The following CDIN1 variants were observed in gnomAD, a reference collection of about 807,000 sequenced individuals.
CDIN1 encodes CDAN1 interacting nuclease 1, also known as CDAN1-interacting nuclease 1.
Under a neutral mutation model 45.3 loss-of-function variants are expected in CDIN1, and 33 were observed. The ratio of observed to expected loss-of-function variants is 0.73; its 90% confidence interval spans 0.55 to 0.97. The LOEUF (loss-of-function observed/expected upper bound fraction) is 0.97, where lower values mean the gene tolerates loss of function less well. Ranked by LOEUF, CDIN1 falls within the 50% of genes least tolerant of loss-of-function variation. The probability of loss-of-function intolerance (pLI) is 0.00; values close to 1 mark genes in which losing one functional copy is unlikely to be tolerated. For synonymous variants in CDIN1, 118 were observed against 124.4 expected (o/e 0.95, Z 0.34); for missense variants, 303 against 339.4 (o/e 0.89, Z 0.84).
At chr15:36,723,990 C>T (rs1174253513) in intron 10 of CDIN1, among the ~76,000 whole-genome samples, 1 of 152,178 alleles carries the variant, frequency 6.6e-6, no homozygotes, top group Non-Finnish European at 1.5e-5. Flanking sequence ...CTGGTTTAAG[C>T]ACTTACATGT....
At chr15:36,739,730 T>C (rs1266145066) in intron 10 of CDIN1, among the ~76,000 whole-genome samples, 1 of 152,224 alleles carries the variant, frequency 6.6e-6, no homozygotes, top group East Asian at 1.9e-4. Context: ...CATGAGATGA[T>C]GTCTTGGATC....
chr15:36,721,226 C>G (rs1472919053), intron 10 of CDIN1, among the ~76,000 whole-genome samples: 1 of 152,070 alleles, frequency 6.6e-6, no homozygotes, highest in Non-Finnish European at 1.5e-5. Flanking sequence ...CTGTAGGCTG[C>G]CTGTTCACTC....
At chr15:36,608,433 A>T (rs1393360008) in intron 1 of CDIN1, among the ~76,000 whole-genome samples, 1 of 152,110 alleles carries the variant, frequency 6.6e-6, no homozygotes, top group African/African-American at 2.4e-5. Flanking sequence ...GATGTTGGGA[A>T]TCTTTTTATG....
At chr15:36,731,950 C>G (rs1728232212) in intron 10 of CDIN1, among the ~76,000 whole-genome samples, 1 of 152,114 alleles carries the variant, frequency 6.6e-6, no homozygotes, top group Non-Finnish European at 1.5e-5. Flanking sequence ...GCATAAATAT[C>G]TTAATGCTAT....
chr15:36,675,798 A>T (rs2041627646), intron 5 of CDIN1, among the ~76,000 whole-genome samples: 1 of 152,160 alleles, frequency 6.6e-6, no homozygotes, highest in African/African-American at 2.4e-5. Context: ...ACCAAAATGT[A>T]AGCTTTCTTG....
chr15:36,726,584 A>C (rs2043634980), intron 10 of CDIN1, among the ~76,000 whole-genome samples: 1 of 152,198 alleles, frequency 6.6e-6, no homozygotes, highest in Non-Finnish European at 1.5e-5. Context: ...GAATAGTTGA[A>C]AACTGCTTTT....
At chr15:36,607,054 G>GT (rs1191789283) in intron 1 of CDIN1, among the ~76,000 whole-genome samples, 2 of 152,126 alleles carry the variant, frequency 1.3e-5, no homozygotes, top group Non-Finnish European at 2.9e-5. Context: ...GACAGAAGGT[G>GT]TTTTCTTGGT....
At chr15:36,686,792 G>C (rs1341101881) in intron 5 of CDIN1, among the ~76,000 whole-genome samples, 1 of 133,710 alleles carries the variant, frequency 7.5e-6, no homozygotes, top group Non-Finnish European at 1.6e-5. Flanking sequence ...CAGAGGGACA[G>C]ACAGAAGGAT....
intron 10 of CDIN1, among the ~76,000 whole-genome samples, chr15:36,783,940 A>T (rs2054420536): frequency 6.6e-6 from 1 of 152,232 alleles, no homozygotes; most frequent in Admixed American, 6.5e-5. Flanking sequence ...TTTTGATGTA[A>T]TATAAAGCTC....
intron 5 of CDIN1, among the ~76,000 whole-genome samples, chr15:36,671,250 A>G (rs907510257): frequency 6.6e-6 from 1 of 152,086 alleles, no homozygotes; most frequent in Non-Finnish European, 1.5e-5. Context: ...GAAACCATTC[A>G]TCTGTTGCGT....
intron 10 of CDIN1, among the ~76,000 whole-genome samples, chr15:36,740,137 G>A (rs1244950701): frequency 1.3e-5 from 2 of 152,142 alleles, no homozygotes; most frequent in Non-Finnish European, 1.5e-5. Flanking sequence ...GAGAAATTCT[G>A]TGTCAAGGAA....
chr15:36,722,514 A>G (rs2043461909), intron 10 of CDIN1, among the ~76,000 whole-genome samples: 1 of 152,178 alleles, frequency 6.6e-6, no homozygotes, highest in Non-Finnish European at 1.5e-5. Flanking sequence ...TACTGGTAGC[A>G]CTCAGGGCTT....
intron 10 of CDIN1, among the ~76,000 whole-genome samples, chr15:36,712,260 CTTTTTTTTTTTTT>C (rs780494427): frequency 3.9e-5 from 3 of 77,396 alleles, no homozygotes; most frequent in South Asian, 5.7e-4. Context: ...TAGACTAATG[CTTTTTTTTTTTTT>C]TTTTTTTTTT....
chr15:36,670,608 C>T (rs1325609551), intron 5 of CDIN1, among the ~76,000 whole-genome samples: 1 of 152,078 alleles, frequency 6.6e-6, no homozygotes, highest in Admixed American at 6.6e-5. Flanking sequence ...CTTCAGTCAT[C>T]ACTCTTCTCT....
At chr15:36,659,570 T>G (rs2140475304) in intron 5 of CDIN1, among the ~76,000 whole-genome samples, 1 of 152,140 alleles carries the variant, frequency 6.6e-6, no homozygotes, top group Non-Finnish European at 1.5e-5. Context: ...TTTTCTTTTA[T>G]AATTGGTTGG....
At chr15:36,695,204 G>A (rs968005331) in intron 7 of CDIN1, among the ~76,000 whole-genome samples, 15 of 152,016 alleles carry the variant, frequency 9.9e-5, no homozygotes, top group African/African-American at 3.6e-4. Context: ...AATTCTCTAG[G>A]AATTTTTTTT....
At chr15:36,765,895 T>C (rs2053911396) in intron 10 of CDIN1, among the ~76,000 whole-genome samples, 1 of 152,222 alleles carries the variant, frequency 6.6e-6, no homozygotes, top group East Asian at 1.9e-4. Context: ...GTGTGTGTTT[T>C]CTATGGTAAG....
Position 36,657,836 on chromosome 15 carries a change from G to C in CDIN1, c.277G>C (p.Asp93His). The C allele has an allele frequency of 6.2e-7, 1 of 1,610,554 alleles. No individual in the cohort carries two copies. Among genetic ancestry groups the C allele is most frequent in the Non-Finnish European group, 8.5e-7 (1 of 1,178,180 alleles). The change falls in exon 5 of 11, where the codon GAC (aspartate) becomes CAC (histidine). Residue 93 changes from aspartate to histidine, a missense_variant. Physicochemically the swap from Asp to His is moderately conservative, Grantham distance 81. Transcript: ENST00000566621. ...TTTCTACTTCTGTTTTATAAAGGTG[G>C]ACTATGCGCCCTCATTAATGGCTCG... ...PVLLDLANEV[D>H]YAPSLMARLI... is the part of the protein sequence containing the mutation.
At position 36,635,159 on chromosome 15, in the gene CDIN1, A is replaced by G. The variant is rs374006616; in HGVS notation, c.102-9119A>G. On this transcript the variant is annotated intron_variant, in intron 1 of 10. Transcript: ENST00000566621. ...GGAGTAAGTGTGAACTGAAATTGAA[A>G]GATCTCCCCCTGACAGTTTCAGATT... Among the ~76,000 whole-genome samples, 23 of 152,298 alleles carry G rather than the reference A, an allele frequency of 1.5e-4. No individual in the cohort carries two copies. In the East Asian group the frequency reaches 2.9e-3, roughly 19 times the overall value.
Sources: gnomAD v4.1 joint callset for allele counts (sites outside exome capture counted in the v4.1 genomes callset) on GRCh38, gnomAD v4.1.1 for gene constraint, MANE v1.5 for transcripts, NCBI Gene and HGNC (gene_info 2026-07-23, HGNC 2026-07-21) for gene names.